DUSP14: variants seen among roughly 807,000 people sequenced by gnomAD.
The protein encoded by DUSP14 is dual specificity phosphatase 14.
A neutral mutation model predicts 13.2 loss-of-function variants in DUSP14; 5 were observed. The ratio of observed to expected loss-of-function variants is 0.38; its 90% CI spans 0.20 to 0.80. DUSP14 has a LOEUF of 0.80. Ranked by LOEUF, DUSP14 falls within the 30% of genes least tolerant of loss-of-function variation. The probability of loss-of-function intolerance (pLI) is 0.44; values close to 1 mark genes in which losing one functional copy is unlikely to be tolerated. For missense variants in DUSP14, 185 were observed against 264.0 expected, an observed-to-expected ratio of 0.70 and a Z score of 2.07; for synonymous variants, 91 against 103.4, an observed-to-expected ratio of 0.88 and a Z score of 0.73.
At chr17:37,505,224 C>T (rs2054130341) in intron 1 of DUSP14, among the ~76,000 whole-genome samples, 1 of 152,110 alleles carries the variant, frequency 6.6e-6, no homozygotes, top group African/African-American at 2.4e-5. Flanking sequence ...TTATCATTTT[C>T]ATTACTAAAT....
At chr17:37,507,204 G>A (rs2054143910) in intron 1 of DUSP14, among the ~76,000 whole-genome samples, 2 of 152,168 alleles carry the variant, frequency 1.3e-5, no homozygotes, top group African/African-American at 2.4e-5. Flanking sequence ...GCCCTCTGGC[G>A]GAAGTTGTTT....
upstream of DUSP14, chr17:37,489,785 C>T (rs2054012814): frequency 6.8e-6 from 1 of 147,696 alleles, no homozygotes; most frequent in Non-Finnish European, 1.5e-5. Context: ...CCCCGCGTCG[C>T]GTCCCCCCAC....
intron 1 of DUSP14, chr17:37,509,967 G>C (rs773106693): frequency 5.3e-5 from 8 of 152,072 alleles, no homozygotes; most frequent in Non-Finnish European, 1.2e-4. Context: ...GGTGGTAGAA[G>C]AACACATTTT....
chr17:37,489,568 GC>G (rs2054010482), upstream of DUSP14, among the ~76,000 whole-genome samples: 2 of 152,078 alleles, frequency 1.3e-5, no homozygotes, highest in Non-Finnish European at 2.9e-5. Context: ...CCCGCAGCCC[GC>G]CTCGAGCCCG....
chr17:37,499,474 G>T (rs890831039), intron 1 of DUSP14, among the ~76,000 whole-genome samples: 1 of 152,180 alleles, frequency 6.6e-6, no homozygotes, highest in African/African-American at 2.4e-5. Context: ...CAAAGTACTG[G>T]GATTACAGGT....
At chr17:37,506,587 ACT>A (rs1340882433) in intron 1 of DUSP14, among the ~76,000 whole-genome samples, 1 of 151,940 alleles carries the variant, frequency 6.6e-6, no homozygotes, top group African/African-American at 2.4e-5. Flanking sequence ...TACGGGTCAA[ACT>A]CTGCTACCCT....
In DUSP14 at chr17:37,502,347, A is replaced by ATT. The variant is rs916192784; in HGVS notation, c.-180-8314_-180-8313dup. Among the ~76,000 whole-genome samples the ATT allele has an allele frequency of 6.9e-4, 97 of 139,956 alleles. 1 individual carries two copies. The highest frequency in any genetic ancestry group is 1.7e-3 in the East Asian group (8 of 4,690). The allele number at this position is 139,956 out of a possible 152,430, so 91.8% of individuals were successfully genotyped here. On this transcript the variant is annotated intron_variant, in intron 1 of 2. Coordinates refer to ENST00000617516, the MANE Select transcript of DUSP14 (RefSeq NM_007026.4). ...CAGGTGCACATCACCATGCCCAGCA[A>ATT]TTTTTTTTTTTTTTTTTGTAGAGAG...
chr17:37,512,934 T>C lies in DUSP14; in HGVS notation c.*65T>C. On this transcript the variant is annotated 3_prime_UTR_variant, in exon 3 of 3. Transcript: ENST00000617516. The surrounding 1 kb of genome is among the most constrained non-coding windows in gnomAD (Gnocchi z 4.8). ...CATCTGCTCCCCGCCGTCTGCTCCC[T>C]CTCCACTCTCTTCTCAAATGGCTGA... 2.3e-6 allele frequency: 3 copies of C among 1,326,978 alleles called. No homozygotes were observed. Among genetic ancestry groups the C allele is most frequent in the Non-Finnish European group, 3.1e-6 (3 of 955,328 alleles). The allele number at this position is 1,326,978 out of a possible 1,614,324, so 82.2% of individuals were successfully genotyped here.
chr17:37,513,017 T>TAGGG lies in DUSP14; in HGVS notation c.*157_*160dup, dbSNP rs1046667929. ...GGGTGTTCAAATTTATTTTAAGAGA[T>TAGGG]AGGGAGGGAGGGGACATAAAGGGAA... On this transcript the variant is annotated 3_prime_UTR_variant, in exon 3 of 3. Coordinates refer to ENST00000617516, the MANE Select transcript of DUSP14 (RefSeq NM_007026.4). The TAGGG allele has an allele frequency of 1.2e-5, 8 of 678,230 alleles. No homozygotes were observed. Among genetic ancestry groups the TAGGG allele is most frequent in the Non-Finnish European group, 2.1e-5 (8 of 389,330 alleles). 42.0% of individuals were successfully genotyped at this position (678,230 alleles called of 1,614,324 possible).
chr17:37,489,649 G>A (rs1234120401), upstream of DUSP14, among the ~76,000 whole-genome samples: 1 of 151,966 alleles, frequency 6.6e-6, no homozygotes, highest in South Asian at 2.1e-4. Context: ...GAGACCAGGG[G>A]ACCTGCACGG....
chr17:37,512,167 C>A lies in DUSP14; in HGVS notation c.-92-14C>A. On this transcript the variant is annotated splice_polypyrimidine_tract_variant and intron_variant, in intron 2 of 2. Coordinates refer to ENST00000617516, the MANE Select transcript of DUSP14 (RefSeq NM_007026.4). This position sits in a 1 kb window ranked among gnomAD's most constrained non-coding sequence, Gnocchi z 4.8. The stretch of plus-strand genomic sequence containing the variant: ...GTAGCATTTAAAGTACTGACACATA[C>A]CTGTATTTTGCAGGAAGGAGACTCT... The A allele has an allele frequency of 1.2e-6, 1 of 859,954 alleles. No homozygotes were observed. Among genetic ancestry groups the A allele is most frequent in the Admixed American group, 2.3e-5 (1 of 42,754 alleles). The allele number at this position is 859,954 out of a possible 1,614,324, so 53.3% of individuals were successfully genotyped here. A position where few individuals can be genotyped will look rare whatever the true frequency, so the allele number is the denominator to read the frequency against.
intron 1 of DUSP14, among the ~76,000 whole-genome samples, chr17:37,505,241 T>C (rs1365305494): frequency 2.6e-5 from 4 of 152,140 alleles, no homozygotes; most frequent in Non-Finnish European, 4.4e-5. Flanking sequence ...AAATCAGAAA[T>C]GTGGGCCGGA....
chr17:37,493,107 C>T lies in DUSP14; in HGVS notation c.-181+3149C>T, dbSNP rs536239736. ...GCTATTTTAAAAGATTTATCCATATCGTTGCCTATGCCTGTAGTTTTTGTG... is the reference window on the plus strand; with the variant it reads ...GCTATTTTAAAAGATTTATCCATATTGTTGCCTATGCCTGTAGTTTTTGTG... On this transcript the variant is annotated intron_variant, in intron 1 of 2. Coordinates refer to ENST00000617516, the MANE Select transcript of DUSP14 (RefSeq NM_007026.4). 2.6e-4 allele frequency among the ~76,000 whole-genome samples: 39 copies of T among 152,092 alleles called. No individual in the cohort carries two copies. In the South Asian group the frequency reaches 7.5e-3, roughly 29 times the overall value.
chr17:37,501,660 C>T (rs377450454), intron 1 of DUSP14, among the ~76,000 whole-genome samples: 3 of 152,038 alleles, frequency 2.0e-5, no homozygotes, highest in Non-Finnish European at 4.4e-5. Flanking sequence ...GGATTACAGG[C>T]GCCCACCACC....
At chr17:37,507,147 A>G (rs930298429) in intron 1 of DUSP14, among the ~76,000 whole-genome samples, 8 of 152,204 alleles carry the variant, frequency 5.3e-5, no homozygotes, top group African/African-American at 1.9e-4. Flanking sequence ...CAAGGGGGTC[A>G]GGAGTGTTTG....
chr17:37,505,030 T>G (rs189689766), intron 1 of DUSP14, among the ~76,000 whole-genome samples: 1 of 152,230 alleles, frequency 6.6e-6, no homozygotes, highest in Non-Finnish European at 1.5e-5. Context: ...TAGCTGGGAT[T>G]CCAGGTGCAC....
At chr17:37,511,938 C>CCCCCTTTTTTTTTT (rs1568206074) in intron 2 of DUSP14, among the ~76,000 whole-genome samples, 1 of 38,248 alleles carries the variant, frequency 2.6e-5, no homozygotes, top group East Asian at 9.4e-4. Context: ...CCCCACCCCA[C>CCCCCTTTTTTTTTT]TTTTTTTTTT....
intron 1 of DUSP14, among the ~76,000 whole-genome samples, chr17:37,506,783 G>A (rs1448961482): frequency 6.6e-6 from 1 of 152,206 alleles, no homozygotes; most frequent in African/African-American, 2.4e-5. Flanking sequence ...TCCACCCTCT[G>A]CAGCCAGGGG....
At chr17:37,492,987 G>A (rs887000104) in intron 1 of DUSP14, among the ~76,000 whole-genome samples, 1 of 152,024 alleles carries the variant, frequency 6.6e-6, no homozygotes, top group East Asian at 1.9e-4. Context: ...CCTTCTGGCC[G>A]GCATCGTGTG....
Sources: allele counts gnomAD v4.1 joint callset (sites outside exome capture counted in the v4.1 genomes callset), GRCh38; gene constraint gnomAD v4.1.1; non-coding constraint Gnocchi (gnomAD v3.1); transcripts MANE v1.5; gene names NCBI Gene and HGNC (gene_info 2026-07-23, HGNC 2026-07-21).